Variants in CNTN5 observed in about 807,000 individuals in gnomAD.
The protein encoded by CNTN5 is contactin-5.
Under a neutral mutation model 129.1 loss-of-function variants are expected in CNTN5, and 77 were observed. The observed-to-expected ratio is 0.60, with a 90% CI of 0.50 to 0.72. The LOEUF (loss-of-function observed/expected upper bound fraction) is 0.72, where lower values mean the gene tolerates loss of function less well. Among genes scored for constraint, CNTN5 ranks in the 30% least tolerant of loss-of-function variants. The pLI is 0.00. For synonymous variants in CNTN5, 509 were observed against 465.6 expected (o/e 1.09, Z -1.20); for missense variants, 1,478 against 1,328.8 (o/e 1.11, Z -1.75).
At chr11:99,581,765 T>A (rs1404083075) in intron 3 of CNTN5, among the ~76,000 whole-genome samples, 4 of 148,998 alleles carry the variant, frequency 2.7e-5, no homozygotes, top group Non-Finnish European at 4.6e-5. Flanking sequence ...CAGCACACTG[T>A]ATTTTCTTTA....
chr11:100,137,674 G>A (rs1203951419), intron 13 of CNTN5, among the ~76,000 whole-genome samples: 4 of 152,104 alleles, frequency 2.6e-5, no homozygotes, highest in Admixed American at 1.3e-4. Flanking sequence ...TGAGAACTTG[G>A]GCAAGTCAGT....
At chr11:99,364,663 T>TA (rs1455305026) in intron 2 of CNTN5, among the ~76,000 whole-genome samples, 1 of 152,126 alleles carries the variant, frequency 6.6e-6, no homozygotes, top group African/African-American at 2.4e-5. Context: ...TTGAAAATTT[T>TA]AAAAAACTCT....
At chr11:99,968,825 C>A (rs1007101037) in intron 8 of CNTN5, among the ~76,000 whole-genome samples, 3 of 151,620 alleles carry the variant, frequency 2.0e-5, no homozygotes, top group African/African-American at 7.3e-5. Context: ...TTGACAGGAA[C>A]ACTCCTATTG....
intron 6 of CNTN5, among the ~76,000 whole-genome samples, chr11:99,850,497 A>C (rs1006909786): frequency 6.6e-6 from 1 of 152,174 alleles, no homozygotes; most frequent in African/African-American, 2.4e-5. Flanking sequence ...ATTGTTTTTA[A>C]AGTTTCATTT....
At chr11:99,737,466 A>G (rs1565477009) in intron 3 of CNTN5, among the ~76,000 whole-genome samples, 1 of 152,254 alleles carries the variant, frequency 6.6e-6, no homozygotes, top group Non-Finnish European at 1.5e-5. Flanking sequence ...AGTTTGAAAA[A>G]GTGGATAGAT....
chr11:100,334,873 C>A (rs1951997191), intron 21 of CNTN5, among the ~76,000 whole-genome samples: 1 of 150,480 alleles, frequency 6.6e-6, no homozygotes, highest in Non-Finnish European at 1.5e-5. Context: ...GAAATCACCA[C>A]TAAAGAACCT....
chr11:99,865,720 A>G (rs1057207033), intron 6 of CNTN5, among the ~76,000 whole-genome samples: 1 of 152,078 alleles, frequency 6.6e-6, no homozygotes, highest in Non-Finnish European at 1.5e-5. Context: ...AAAAAGTGTT[A>G]TTGCCTAAGC....
chr11:100,256,003 T>A, intron 17 of CNTN5, 85 bp downstream of exon 17: 2 of 1,187,498 alleles, frequency 1.7e-6, no homozygotes, highest in South Asian at 1.6e-5. Flanking sequence ...TTACTATGAT[T>A]TTTTTGGATT....
At chr11:99,156,670 C>T (rs1391124297) in intron 1 of CNTN5, among the ~76,000 whole-genome samples, 4 of 151,868 alleles carry the variant, frequency 2.6e-5, no homozygotes, top group African/African-American at 4.8e-5. Flanking sequence ...TAACCTTTTT[C>T]TCAAACTAGG....
chr11:100,073,611 A>G (rs528306394), intron 12 of CNTN5, among the ~76,000 whole-genome samples: 1 of 152,070 alleles, frequency 6.6e-6, no homozygotes, highest in African/African-American at 2.4e-5. Context: ...CTAAGTGAAA[A>G]ATTACAAGTA....
At chr11:99,508,686 C>CTTTCTTT (rs11281160) in intron 2 of CNTN5, among the ~76,000 whole-genome samples, 2 of 146,860 alleles carry the variant, frequency 1.4e-5, no homozygotes, top group Non-Finnish European at 3.0e-5. Context: ...TCTTTTCTTT[C>CTTTCTTT]TTTTTTTTTT....
chr11:99,902,220 T>C (rs768293705), intron 6 of CNTN5, among the ~76,000 whole-genome samples: 6 of 151,258 alleles, frequency 4.0e-5, no homozygotes, highest in Non-Finnish European at 8.8e-5. Flanking sequence ...CCTCTGTTTT[T>C]GTACAGCCCG....
intron 3 of CNTN5, among the ~76,000 whole-genome samples, chr11:99,759,386 A>C (rs114991150): frequency 1.3e-3 from 196 of 152,166 alleles, no homozygotes; most frequent in African/African-American, 4.6e-3. Context: ...CATTTAAAAC[A>C]AATTCAGACA....
intron 6 of CNTN5, among the ~76,000 whole-genome samples, chr11:99,884,676 A>G (rs1389822300): frequency 6.6e-6 from 1 of 152,208 alleles, no homozygotes; most frequent in African/African-American, 2.4e-5. Context: ...TATTACAGAG[A>G]TGTTAAAAAC....
intron 2 of CNTN5, among the ~76,000 whole-genome samples, chr11:99,330,354 G>A (rs927462349): frequency 1.1e-4 from 16 of 151,952 alleles, no homozygotes; most frequent in South Asian, 6.2e-4. Context: ...TTGCATTCTC[G>A]GGCTCTTGTG....
chr11:99,926,545 A>AT, intron 7 of CNTN5, among the ~76,000 whole-genome samples: 2 of 152,276 alleles, frequency 1.3e-5, no homozygotes, highest in East Asian at 3.9e-4. Context: ...TGTAAATCAT[A>AT]ATTTAAAATG....
intron 9 of CNTN5, among the ~76,000 whole-genome samples, chr11:100,036,023 G>T (rs1284967951): frequency 2.0e-5 from 3 of 151,938 alleles, no homozygotes; most frequent in East Asian, 1.9e-4. Flanking sequence ...TTTGGTGTTT[G>T]AGACGTGAAG....
chr11:100,026,775 G>C (rs1002405623), intron 9 of CNTN5, among the ~76,000 whole-genome samples: 1 of 152,010 alleles, frequency 6.6e-6, no homozygotes, highest in African/African-American at 2.4e-5. Flanking sequence ...ATTTTGGATA[G>C]TAGTCTTTTA....
chr11:99,897,909 G>A (rs549624859), intron 6 of CNTN5, among the ~76,000 whole-genome samples: 2 of 152,288 alleles, frequency 1.3e-5, no homozygotes, highest in South Asian at 2.1e-4. Flanking sequence ...TATCTCACAT[G>A]TAATGACATC....
Sources: gnomAD v4.1 joint callset for allele counts (sites outside exome capture counted in the v4.1 genomes callset) on GRCh38, gnomAD v4.1.1 for gene constraint, MANE v1.5 for transcripts, NCBI Gene and HGNC (gene_info 2026-07-23, HGNC 2026-07-21) for gene names.